Variants in DLGAP4 observed in about 807,000 individuals in gnomAD.
DLGAP4 encodes the protein disks large-associated protein 4.
A neutral mutation model predicts 86.9 loss-of-function variants in DLGAP4; 18 were observed. The ratio of observed to expected loss-of-function variants is 0.21; its 90% confidence interval spans 0.14 to 0.31. The LOEUF (loss-of-function observed/expected upper bound fraction) is 0.31, where lower values mean the gene tolerates loss of function less well. Ranked by LOEUF, DLGAP4 falls within the 10% of genes least tolerant of loss-of-function variation. The pLI, the probability that DLGAP4 is intolerant of heterozygous loss-of-function variation, is 1.00. For missense variants in DLGAP4, 1,085 were observed against 1,362.6 expected (o/e 0.80, Z 3.21); for synonymous variants, 548 against 574.3 (o/e 0.95, Z 0.65).
chr20:36,340,605 C>T lies in DLGAP4; in HGVS notation c.-303-26440C>T, dbSNP rs1356756244. Among the ~76,000 whole-genome samples, 6 of 152,258 alleles carry T rather than the reference C, an allele frequency of 3.9e-5. No homozygotes were observed. The South Asian group carries it at 1.0e-3, about 26-fold the overall frequency. ...TGGTCTTTGTGACCAGGGAAATGGCCACATCAGATCAGCGGCATTAGTTGT... is the reference window on the plus strand; with the variant it reads ...TGGTCTTTGTGACCAGGGAAATGGCTACATCAGATCAGCGGCATTAGTTGT... On this transcript the variant is annotated intron_variant, in intron 1 of 12. Coordinates refer to ENST00000339266, the MANE Select transcript of DLGAP4 (RefSeq NM_001365621.2).
chr20:36,445,718 C>T (rs2033575250), intron 6 of DLGAP4, among the ~76,000 whole-genome samples: 1 of 152,204 alleles, frequency 6.6e-6, no homozygotes, highest in African/African-American at 2.4e-5. Flanking sequence ...TCAACCTTTT[C>T]CTCCACATGG....
In DLGAP4 at chr20:36,447,907, G is replaced by GC. The variant is rs58537861; in HGVS notation, c.1648+970_1648+971insC. ...CCAGGGCCTATCAGGGGGGTGGGGGGGGGGGAGACAAGGGGAGGGAGAGCA... is the reference window on the plus strand; with the variant it reads ...CCAGGGCCTATCAGGGGGGTGGGGGGCGGGGGAGACAAGGGGAGGGAGAGCA... On this transcript the variant is annotated intron_variant, in intron 7 of 12. Coordinates refer to ENST00000339266, the MANE Select transcript of DLGAP4 (RefSeq NM_001365621.2). Among the ~76,000 whole-genome samples the GC allele has an allele frequency of 9.2e-5, 12 of 130,312 alleles. 1 individual carries two copies. The highest frequency in any genetic ancestry group is 1.3e-4 in the Non-Finnish European group (8 of 60,526). 85.5% of individuals were successfully genotyped at this position (130,312 alleles called of 152,430 possible).
At chr20:36,494,502 C>T (rs1340168716) in intron 7 of DLGAP4, among the ~76,000 whole-genome samples, 1 of 152,158 alleles carries the variant, frequency 6.6e-6, no homozygotes, top group Non-Finnish European at 1.5e-5. Context: ...ACCCCTTACT[C>T]GATTTCCCTC....
intron 10 of DLGAP4, among the ~76,000 whole-genome samples, chr20:36,523,199 C>G (rs979998827): frequency 6.6e-6 from 1 of 152,086 alleles, no homozygotes; most frequent in Non-Finnish European, 1.5e-5. Context: ...ACCACAGATG[C>G]GCACTAGCAC....
intron 11 of DLGAP4, among the ~76,000 whole-genome samples, chr20:36,524,693 C>T (rs901455694): frequency 2.6e-5 from 4 of 151,530 alleles, no homozygotes; most frequent in East Asian, 2.0e-4. Context: ...ACCTGAGGTC[C>T]GGAGTTCGAG....
chr20:36,454,099 C>T (rs767752620), intron 7 of DLGAP4, among the ~76,000 whole-genome samples: 15 of 151,560 alleles, frequency 9.9e-5, no homozygotes, highest in Admixed American at 6.6e-4. Context: ...GGCAAAACCC[C>T]GTCTCTACTA....
At chr20:36,457,383 TA>T in intron 7 of DLGAP4, among the ~76,000 whole-genome samples, 1 of 142,614 alleles carries the variant, frequency 7.0e-6, no homozygotes, top group Middle Eastern at 3.9e-3. Flanking sequence ...CACGCCCGGC[TA>T]ATTTTTTTTT....
At chr20:36,317,439 T>C (rs2065120054) in intron 1 of DLGAP4, among the ~76,000 whole-genome samples, 1 of 1,564 alleles carries the variant, frequency 6.4e-4, no homozygotes, top group East Asian at 0.036. Flanking sequence ...CTTCTTTCTT[T>C]TCTCCTTTCT....
chr20:36,384,083 A>G (rs6103072), intron 2 of DLGAP4, among the ~76,000 whole-genome samples: 96,319 of 150,834 alleles, frequency 0.64, 30,945 homozygotes, highest in South Asian at 0.82. Context: ...AAAAAAAAGA[A>G]GCTTTCATTG....
chr20:36,514,415 G>A (rs2036916848), intron 10 of DLGAP4, among the ~76,000 whole-genome samples: 1 of 152,102 alleles, frequency 6.6e-6, no homozygotes, highest in Admixed American at 6.6e-5. Context: ...TTTCGTTGTT[G>A]TTGCTGTTGT....
At chr20:36,336,240 G>T (rs1027493239) in intron 1 of DLGAP4, among the ~76,000 whole-genome samples, 1 of 152,254 alleles carries the variant, frequency 6.6e-6, no homozygotes, top group Non-Finnish European at 1.5e-5. Context: ...GGCCTCCAGG[G>T]TCACCTAGGA....
intron 7 of DLGAP4, among the ~76,000 whole-genome samples, chr20:36,491,044 AAAAAAAAT>A (rs1410987129): frequency 1.3e-5 from 2 of 151,560 alleles, no homozygotes; most frequent in African/African-American, 4.8e-5. Flanking sequence ...AAAAAAAAAA[AAAAAAAAT>A]ACAAAAATTA....
intron 11 of DLGAP4, 37 bp downstream of exon 11, chr20:36,524,378 C>T (rs1271206294): frequency 1.7e-5 from 26 of 1,570,966 alleles, no homozygotes; most frequent in Non-Finnish European, 2.1e-5. Context: ...GCAGGGCTTC[C>T]AGCCTTTGGC....
At chr20:36,391,926 C>T (rs1306949307) in intron 2 of DLGAP4, among the ~76,000 whole-genome samples, 3 of 152,206 alleles carry the variant, frequency 2.0e-5, no homozygotes, top group Admixed American at 6.5e-5. Flanking sequence ...AGTTAAATCA[C>T]GGGTCACCCT....
At chr20:36,502,939 G>A (rs1452988614) in intron 10 of DLGAP4, among the ~76,000 whole-genome samples, 1 of 152,122 alleles carries the variant, frequency 6.6e-6, no homozygotes, top group African/African-American at 2.4e-5. Flanking sequence ...TGGCCAGGCT[G>A]GTCTCAAACT....
At chr20:36,516,787 A>G (rs1231683293) in intron 10 of DLGAP4, among the ~76,000 whole-genome samples, 1 of 151,890 alleles carries the variant, frequency 6.6e-6, no homozygotes, top group Non-Finnish European at 1.5e-5. Flanking sequence ...ATGAAGGAAA[A>G]AAAATCAAAA....
intron 7 of DLGAP4, among the ~76,000 whole-genome samples, chr20:36,477,131 CT>C (rs1329406291): frequency 6.6e-6 from 1 of 150,622 alleles, no homozygotes; most frequent in Non-Finnish European, 1.5e-5. Context: ...GACAGAGTCT[CT>C]GTCACCCAGC....
intron 10 of DLGAP4, among the ~76,000 whole-genome samples, chr20:36,519,955 T>C (rs6024912): frequency 5.2e-4 from 78 of 150,682 alleles, no homozygotes; most frequent in African/African-American, 1.9e-3. Flanking sequence ...CATGCCCAGT[T>C]TGTTTTTTTT....
Position 36,525,955 on chromosome 20 carries a change from C to T in DLGAP4, c.2709C>T (p.Tyr903=). Residue 903 remains tyrosine, a synonymous_variant, in exon 12 of 13, where the codon TAC becomes TAT. Transcript: ENST00000339266. The stretch of plus-strand genomic sequence containing the variant: ...TCAGCATGAAGTTCGATGAACTCTA[C>T]CACCTCAAGGCCAACAGCTGGCAGC... The part of the protein sequence containing the change: ...EDISMKFDEL[Y]HLKANSWQLV... The T allele has an allele frequency of 1.9e-6, 3 of 1,613,984 alleles. No individual in the cohort carries two copies. The highest frequency in any genetic ancestry group is 2.5e-6 in the Non-Finnish European group (3 of 1,180,004).
Sources: allele counts gnomAD v4.1 joint callset (sites outside exome capture counted in the v4.1 genomes callset), GRCh38; gene constraint gnomAD v4.1.1; transcripts MANE v1.5; gene names NCBI Gene and HGNC (gene_info 2026-07-23, HGNC 2026-07-21).